Variants in XPO5 observed in about 807,000 individuals in gnomAD.
XPO5 encodes the protein exportin-5.
In XPO5, 46 loss-of-function variants were observed where a neutral mutation model predicts 160.6. That is an observed-to-expected ratio of 0.29 (90% CI 0.23 to 0.37). The LOEUF (loss-of-function observed/expected upper bound fraction) is 0.37. XPO5 is among the 10% of genes least tolerant of loss of function. The probability of loss-of-function intolerance (pLI) is 1.00; values close to 1 mark genes in which losing one functional copy is unlikely to be tolerated. For synonymous variants in XPO5, 537 were observed against 519.3 expected, an observed-to-expected ratio of 1.03 and a Z score of -0.46; for missense variants, 1,090 against 1,463.9, an observed-to-expected ratio of 0.74 and a Z score of 4.17.
In XPO5 at chr6:43,551,453, C is replaced by G. The variant is rs929208851; in HGVS notation, c.1573G>C (p.Glu525Gln). The change falls in exon 15 of 32, where the codon GAA (glutamate) becomes CAA (glutamine). Residue 525 changes from glutamate to glutamine, a missense_variant and splice_region_variant. Glu to Gln is a conservative substitution (Grantham distance 29). Transcript: ENST00000265351. ...TCTATTCCATCATTAACAGGAATTT[C>G]CTGTAACAAAGACATAAAACAGGTT... Reference protein sequence around the residue: ...TQMFRTLNREEIPVNDGIELL... With the variant: ...TQMFRTLNREQIPVNDGIELL... 12 of 1,611,358 alleles carry G rather than the reference C, an allele frequency of 7.4e-6. No individual in the cohort carries two copies. Among genetic ancestry groups the G allele is most frequent in the Non-Finnish European group, 9.3e-6 (11 of 1,179,216 alleles).
intron 28 of XPO5, chr6:43,525,614 T>G (rs1793535183): frequency 1.8e-6 from 1 of 564,274 alleles, no homozygotes; most frequent in African/African-American, 1.9e-5. Flanking sequence ...TCTGCATCAG[T>G]GTGCCTACTA....
In XPO5 at chr6:43,558,517, G is replaced by A; in HGVS notation, c.1296C>T (p.Phe432=). The change falls in exon 12 of 32, where the codon TTC becomes TTT. Residue 432 remains phenylalanine (F), a synonymous_variant. Coordinates refer to ENST00000265351, the MANE Select transcript of XPO5 (RefSeq NM_020750.3). The part of the protein sequence containing the change: ...SRFDFDSDED[F]NAFFNSSRAQ... ...ATCACTTACAGTTGAAGAAAGCATT[G>A]AAGTCCTCATCGCTATCAAAATCAA... 1 of 1,602,422 alleles carries A rather than the reference G, an allele frequency of 6.2e-7. No individual in the cohort carries two copies. The highest frequency in any genetic ancestry group is 8.5e-7 in the Non-Finnish European group (1 of 1,174,904).
At chr6:43,560,429 T>C in intron 10 of XPO5, 126 bp from the exon 11 acceptor site, 4 of 1,211,460 alleles carry the variant, frequency 3.3e-6, no homozygotes, top group Non-Finnish European at 4.4e-6. Context: ...AAGCTGTCTC[T>C]ACTGCAATTT....
At position 43,533,727 on chromosome 6, in the gene XPO5, C is replaced by G. The variant is rs188303217; in HGVS notation, c.2443+180G>C. On this transcript the variant is annotated intron_variant, in intron 21 of 31. Transcript: ENST00000265351. ...GTGATCTGCCTGTGGTCCAACTACT[C>G]GGGAGGCTGAGGCAGGAAGACTGCT... 756 of 375,312 alleles carry G rather than the reference C, an allele frequency of 2.0e-3. 2 individuals are homozygous for G. The highest frequency in any genetic ancestry group is 2.9e-3 in the Non-Finnish European group (576 of 197,414). The allele number at this position is 375,312 out of a possible 1,614,324, so 23.2% of individuals were successfully genotyped here. A position where few individuals can be genotyped will look rare whatever the true frequency, so the allele number is the denominator to read the frequency against.
Position 43,553,510 on chromosome 6 carries a change from A to C in XPO5, c.1442-7T>G, listed in dbSNP as rs1199367450. On this transcript the variant is annotated splice_region_variant and splice_polypyrimidine_tract_variant and intron_variant, in intron 13 of 31. Transcript: ENST00000265351. ...GTTCCAACTGCAGAACAAGCTTTAA[A>C]ACACACACACACACATACACACACA... 1 of 1,460,434 alleles carries C rather than the reference A, an allele frequency of 6.8e-7. No individual in the cohort carries two copies. Among genetic ancestry groups the C allele is most frequent in the African/African-American group, 1.5e-5 (1 of 67,536 alleles). 90.5% of individuals were successfully genotyped at this position (1,460,434 alleles called of 1,614,324 possible).
chr6:43,522,667 A>C lies in XPO5; in HGVS notation c.*1201T>G, dbSNP rs756994602. 2.1e-6 allele frequency: 1 copy of C among 475,384 alleles called. No homozygotes were observed. The highest frequency in any genetic ancestry group is 4.5e-6 in the Non-Finnish European group (1 of 224,256). The allele number at this position is 475,384 out of a possible 1,614,324, so 29.4% of individuals were successfully genotyped here. A position where few individuals can be genotyped will look rare whatever the true frequency, so the allele number is the denominator to read the frequency against. ...TCTGACCCTGCCTGTGGCCCGCACC[A>C]GCTAAAAACTGTAGCTTCAGTCCAC... On this transcript the variant is annotated 3_prime_UTR_variant, in exon 32 of 32. Transcript: ENST00000265351.
At position 43,558,470 on chromosome 6, in the gene XPO5, T is replaced by G. The variant is rs142694671; in HGVS notation, c.1312+31A>C. 6 of 1,553,998 alleles carry G rather than the reference T, an allele frequency of 3.9e-6. No individual in the cohort carries two copies. In the African/African-American group the frequency reaches 8.2e-5, roughly 21 times the overall value. ...AATACTAGATGCCATTCTGAGACTG[T>G]TGAGAGAAATCCAAGGCCAACATCA... On this transcript the variant is annotated intron_variant, in intron 12 of 31. Transcript: ENST00000265351.
intron 26 of XPO5, 150 bp from the exon 27 acceptor site, chr6:43,526,897 A>C: frequency 2.7e-6 from 2 of 727,882 alleles, no homozygotes; most frequent in East Asian, 2.7e-5. Context: ...TAGCTTCACC[A>C]ATAGAAATAG....
At chr6:43,573,284 G>A (rs948034950) in intron 2 of XPO5, 196 bp downstream of exon 2, 16 of 671,824 alleles carry the variant, frequency 2.4e-5, no homozygotes, top group South Asian at 1.9e-4. Context: ...ACTTTACATG[G>A]ATGAAGAAAC....
intron 20 of XPO5, among the ~76,000 whole-genome samples, chr6:43,535,469 C>T (rs1473875668): frequency 1.3e-5 from 2 of 151,942 alleles, no homozygotes; most frequent in Non-Finnish European, 2.9e-5. Flanking sequence ...GGGTGCCGGG[C>T]ATGGTAGCTA....
At chr6:43,535,250 ACT>A (rs1794243515) in intron 20 of XPO5, among the ~76,000 whole-genome samples, 2 of 150,414 alleles carry the variant, frequency 1.3e-5, no homozygotes, top group Admixed American at 6.6e-5. Context: ...ACAGAGCGAG[ACT>A]CTGTCTCAAA....
intron 6 of XPO5, 79 bp from the exon 7 acceptor site, chr6:43,567,433 T>C (rs1328836721): frequency 3.8e-6 from 5 of 1,306,922 alleles, no homozygotes; most frequent in Non-Finnish European, 4.1e-6. Flanking sequence ...TGAACTCCCA[T>C]TTTCTAATTC....
chr6:43,563,167 T>C (rs1309707174), intron 8 of XPO5, among the ~76,000 whole-genome samples: 1 of 152,154 alleles, frequency 6.6e-6, no homozygotes, highest in Non-Finnish European at 1.5e-5. Flanking sequence ...CTGTCACACC[T>C]AGGCTGGAGT....
chr6:43,525,334 T>G, intron 28 of XPO5, 120 bp from the exon 29 acceptor site: 2 of 958,942 alleles, frequency 2.1e-6, no homozygotes, highest in Non-Finnish European at 3.0e-6. Context: ...AAGATGGGTT[T>G]GTTTTGTTGC....
In XPO5 at chr6:43,546,694, T is replaced by C. The variant is rs1473368570; in HGVS notation, c.2219A>G (p.Asp740Gly). The C allele has an allele frequency of 6.2e-7, 1 of 1,612,906 alleles. No homozygotes were observed. The highest frequency in any genetic ancestry group is 1.3e-5 in the African/African-American group (1 of 74,758). Residue 740 changes from aspartate to glycine, a missense_variant, in exon 20 of 32, where the codon GAC becomes GGC. Around this residue, in one of 3 missense-constraint regions of XPO5, gnomAD observed 810 missense variants for 1,139.0 expected, o/e 0.71. Coordinates refer to ENST00000265351, the MANE Select transcript of XPO5 (RefSeq NM_020750.3). Reference sequence around the variant, plus strand: ...TCCCCCAGCTTTGGCCTCTTCTAGGTCAGTGGGCCAGCAAGTTCGTTTCAC... The same window carrying C: ...TCCCCCAGCTTTGGCCTCTTCTAGGCCAGTGGGCCAGCAAGTTCGTTTCAC... ...GVVKRTCWPTDLEEAKAGGFV... is the reference protein window; with the variant it reads ...GVVKRTCWPTGLEEAKAGGFV...
At chr6:43,575,455 G>A (rs76472274) in intron 1 of XPO5, among the ~76,000 whole-genome samples, 4,010 of 152,270 alleles carry the variant, frequency 0.026, 162 homozygotes, top group African/African-American at 0.089. Flanking sequence ...ATGGGCGAGG[G>A]TCATGTTGCG....
Position 43,546,675 on chromosome 6 carries a change from A to G in XPO5, c.2238T>C (p.Ala746=), listed in dbSNP as rs1327684165. 16 of 1,613,570 alleles carry G rather than the reference A, an allele frequency of 9.9e-6. No individual in the cohort carries two copies. The highest frequency in any genetic ancestry group is 3.3e-5 in the Admixed American group (2 of 59,964). ...CWPTDLEEAK[A]GGFVVGYTSS... is the part of the protein sequence containing the mutation. The stretch of plus-strand genomic sequence containing the variant: ...ATGTATAACCCACCACAAATCCCCC[A>G]GCTTTGGCCTCTTCTAGGTCAGTGG... Residue 746 remains alanine (A), a synonymous_variant, in exon 20 of 32, where the codon GCT becomes GCC. Coordinates refer to ENST00000265351, the MANE Select transcript of XPO5 (RefSeq NM_020750.3).
Position 43,531,589 on chromosome 6 carries a change from C to T in XPO5, c.2444-14G>A, listed in dbSNP as rs115820004. The T allele has an allele frequency of 1.8e-4, 289 of 1,604,640 alleles. 5 individuals carry two copies. In the South Asian group the frequency reaches 2.6e-3, roughly 15 times the overall value. Reference sequence around the variant, plus strand: ...GTTGAGGTAATCCTACAGGGAAATACGGGTCAAGAACATGATGCTCCACTG... The same window carrying T: ...GTTGAGGTAATCCTACAGGGAAATATGGGTCAAGAACATGATGCTCCACTG... On this transcript the variant is annotated splice_polypyrimidine_tract_variant and intron_variant, in intron 21 of 31. Transcript: ENST00000265351.
chr6:43,524,511 C>T lies in XPO5; in HGVS notation c.3437G>A (p.Arg1146Gln), dbSNP rs765690738. Residue 1146 changes from arginine (R) to glutamine (Q), a missense_variant, in exon 31 of 32, where the codon CGA (arginine) becomes CAA (glutamine). Physicochemically the swap from Arg to Gln is conservative, Grantham distance 43 (BLOSUM62 1). This residue lies in a region of XPO5 where 810 missense variants were observed against 1,139.0 expected (regional missense o/e 0.71). Transcript: ENST00000265351. ...PSLQKVADKR[R>Q]KDQFKRLIAG... is the part of the protein sequence containing the mutation. ...AATGAGGCGTTTGAATTGGTCCTTT[C>T]GGCGCTTGTCAGCCACTTTCTGCAG... The T allele has an allele frequency of 6.2e-6, 10 of 1,613,860 alleles. No homozygotes were observed. Among genetic ancestry groups the T allele is most frequent in the South Asian group, 1.1e-5 (1 of 91,088 alleles).
Sources: gnomAD v4.1 joint callset for allele counts (sites outside exome capture counted in the v4.1 genomes callset) on GRCh38, gnomAD v4.1.1 for gene constraint, gnomAD v4.1.1 regional missense constraint, MANE v1.5 for transcripts, NCBI Gene and HGNC (gene_info 2026-07-23, HGNC 2026-07-21) for gene names.